Variants in SAMTOR observed in about 807,000 individuals in gnomAD.
SAMTOR encodes UPF0532 protein C7orf60.
the SAMTOR span, among the ~76,000 whole-genome samples, chr7:112,826,678 T>C: frequency 6.6e-6 from 1 of 152,164 alleles, no homozygotes; most frequent in Admixed American, 6.5e-5. Flanking sequence ...CTCTTCTTTT[T>C]TCTTCTAGTT....
the SAMTOR span, among the ~76,000 whole-genome samples, chr7:112,854,158 A>G: frequency 6.6e-6 from 1 of 152,110 alleles, no homozygotes; most frequent in East Asian, 1.9e-4. Context: ...TAGTTAGAAA[A>G]TATCTGACTC....
At chr7:112,849,990 T>C in the SAMTOR span, among the ~76,000 whole-genome samples, 4 of 152,136 alleles carry the variant, frequency 2.6e-5, no homozygotes, top group Non-Finnish European at 5.9e-5. Context: ...GTGGATCACC[T>C]GAGGTCAGGA....
chr7:112,895,432 T>C, the SAMTOR span: 5 of 552,962 alleles, frequency 9.0e-6, no homozygotes, highest in Non-Finnish European at 1.5e-5. Context: ...CTAATAATAT[T>C]ACCTATCTGC....
the SAMTOR span, among the ~76,000 whole-genome samples, chr7:112,842,787 G>A: frequency 6.6e-6 from 1 of 151,884 alleles, no homozygotes; most frequent in African/African-American, 2.4e-5. Flanking sequence ...AATAGACTTT[G>A]AGTATCTATT....
the SAMTOR span, among the ~76,000 whole-genome samples, chr7:112,919,740 G>A: frequency 6.6e-6 from 1 of 151,336 alleles, no homozygotes; most frequent in African/African-American, 2.4e-5. Context: ...GAATCAAATA[G>A]ACGCAATAAA....
the SAMTOR span, among the ~76,000 whole-genome samples, chr7:112,923,219 A>C: frequency 6.6e-6 from 1 of 152,152 alleles, no homozygotes; most frequent in East Asian, 1.9e-4. Flanking sequence ...GTGTCCACTC[A>C]GGGTTAAATG....
At chr7:112,828,126 T>A in the SAMTOR span, among the ~76,000 whole-genome samples, 1 of 152,252 alleles carries the variant, frequency 6.6e-6, no homozygotes, top group Non-Finnish European at 1.5e-5. Context: ...GCTACTGTCA[T>A]AAATGTTCAT....
At chr7:112,857,050 T>C in the SAMTOR span, among the ~76,000 whole-genome samples, 2 of 150,718 alleles carry the variant, frequency 1.3e-5, no homozygotes, top group Admixed American at 6.6e-5. Context: ...AAAAAAATAA[T>C]GAAGTCAGCA....
At chr7:112,908,341 A>T in the SAMTOR span, among the ~76,000 whole-genome samples, 1 of 152,128 alleles carries the variant, frequency 6.6e-6, no homozygotes, top group Admixed American at 6.6e-5. Context: ...GAACTGGGAC[A>T]CCAGCTTTTT....
chr7:112,836,701 A>G, the SAMTOR span, among the ~76,000 whole-genome samples: 61,754 of 151,462 alleles, frequency 0.41, 15,668 homozygotes, highest in African/African-American at 0.72. Flanking sequence ...TTATCCCAGC[A>G]AATAGCGAGT....
chr7:112,884,009 A>G, the SAMTOR span, among the ~76,000 whole-genome samples: 2 of 152,320 alleles, frequency 1.3e-5, no homozygotes, highest in Admixed American at 6.5e-5. Context: ...TCATAGCAGA[A>G]GGAGAAGCAA....
At chr7:112,836,189 G>A in the SAMTOR span, among the ~76,000 whole-genome samples, 1 of 152,128 alleles carries the variant, frequency 6.6e-6, no homozygotes, top group Admixed American at 6.6e-5. Flanking sequence ...TCTGATGCCT[G>A]TGAGATGGTA....
At chr7:112,903,630 A>G in the SAMTOR span, among the ~76,000 whole-genome samples, 12 of 152,170 alleles carry the variant, frequency 7.9e-5, no homozygotes, top group African/African-American at 2.7e-4. Context: ...AAGTCTGGTA[A>G]TTTCTGTAAC....
chr7:112,834,737 G>A, the SAMTOR span, among the ~76,000 whole-genome samples: 1 of 152,094 alleles, frequency 6.6e-6, no homozygotes, highest in Non-Finnish European at 1.5e-5. Context: ...ATTACTGAAA[G>A]CAGGTGATCC....
At chr7:112,867,968 G>A in the SAMTOR span, among the ~76,000 whole-genome samples, 1 of 152,154 alleles carries the variant, frequency 6.6e-6, no homozygotes, top group Non-Finnish European at 1.5e-5. Flanking sequence ...ATTCTCATAG[G>A]AGCATGAACC....
chr7:112,914,187 A>T, the SAMTOR span, among the ~76,000 whole-genome samples: 1 of 152,034 alleles, frequency 6.6e-6, no homozygotes, highest in African/African-American at 2.4e-5. Flanking sequence ...TGGAAAGAAA[A>T]TGTAAACCAG....
At chr7:112,848,649 G>A in the SAMTOR span, among the ~76,000 whole-genome samples, 1,622 of 152,260 alleles carry the variant, frequency 0.011, 30 homozygotes, top group African/African-American at 0.037. Flanking sequence ...TGAGGTGGGT[G>A]ACTATCATTC....
chr7:112,867,085 C>A, the SAMTOR span, among the ~76,000 whole-genome samples: 1 of 152,200 alleles, frequency 6.6e-6, no homozygotes, highest in Non-Finnish European at 1.5e-5. Context: ...AAACACAATA[C>A]AGCCAAAATG....
chr7:112,880,817 A>T, the SAMTOR span, among the ~76,000 whole-genome samples: 10 of 152,164 alleles, frequency 6.6e-5, no homozygotes, highest in Non-Finnish European at 1.3e-4. Flanking sequence ...AAATACTTAC[A>T]ATTTTGTATG....
Sources: gnomAD v4.1 joint callset for allele counts (sites outside exome capture counted in the v4.1 genomes callset) on GRCh38, gnomAD v4.1.1 for gene constraint, MANE v1.5 for transcripts, NCBI Gene and HGNC (gene_info 2026-07-23, HGNC 2026-07-21) for gene names.